The following REEP5 variants were observed in gnomAD, a reference collection of about 807,000 sequenced individuals.
REEP5 encodes the protein receptor accessory protein 5.
In REEP5, 24 loss-of-function variants were observed where a neutral mutation model predicts 22.4. The observed-to-expected ratio is 1.07, with a 90% confidence interval of 0.78 to 1.51. The LOEUF (loss-of-function observed/expected upper bound fraction) is 1.51, where lower values mean the gene tolerates loss of function less well. REEP5 is among the 40% of genes most tolerant of loss of function. The pLI is 0.00. For synonymous variants in REEP5, 103 were observed against 88.6 expected (o/e 1.16, Z -0.92); for missense variants, 252 against 233.0 (o/e 1.08, Z -0.53).
chr5:112,892,712 C>A (rs759009328), intron 3 of REEP5: 5 of 1,613,980 alleles, frequency 3.1e-6, no homozygotes, highest in Non-Finnish European at 3.4e-6. Flanking sequence ...TCAGATCAGA[C>A]TGGCTCCTCC....
chr5:112,892,501 G>T, intron 3 of REEP5: 1 of 1,614,176 alleles, frequency 6.2e-7, no homozygotes, highest in East Asian at 2.2e-5. Context: ...ATGCCAAGCA[G>T]CCCTTTCTCT....
Position 112,885,677 on chromosome 5 carries a change from A to G in REEP5, c.520+1338T>C. ...CCAGAGGTCTACTCAGAAGGACCCA[A>G]TTCCTAACCAGCCTCCCTTTCTCTG... On this transcript the variant is annotated intron_variant, in intron 4 of 4. Transcript: ENST00000379638. The G allele has an allele frequency of 9.7e-6, 3 of 308,294 alleles. No homozygotes were observed. The South Asian group carries it at 1.2e-4, about 13-fold the overall frequency. 19.1% of individuals were successfully genotyped at this position (308,294 alleles called of 1,614,324 possible).
rs1580739963 is a variant in REEP5, at chr5:112,893,115, A to G, written c.352-5932T>C. The stretch of plus-strand genomic sequence containing the variant: ...TTCTTAAAAAAAAAAAAAAAAAAAA[A>G]AAGAATGGACCAGGCCAGGTATAGT... On this transcript the variant is annotated intron_variant, in intron 3 of 4. Coordinates refer to ENST00000379638, the MANE Select transcript of REEP5 (RefSeq NM_005669.5). 1.3e-5 allele frequency: 12 copies of G among 903,242 alleles called. No homozygotes were observed. The South Asian group carries it at 1.4e-4, about 11-fold the overall frequency. The allele number at this position is 903,242 out of a possible 1,614,324, so 56.0% of individuals were successfully genotyped here.
At position 112,887,015 on chromosome 5, in the gene REEP5, C is replaced by T; in HGVS notation, c.520G>A (p.Ala174Thr). Residue 174 changes from alanine (A) to threonine (T), a missense_variant and splice_region_variant, in exon 4 of 5, where the codon GCG (alanine) becomes ACG (threonine). Physicochemically the swap from Ala to Thr is moderately conservative, Grantham distance 58. Transcript: ENST00000379638. ...KETADAITKE[A>T]KKATVNLLGE... Reference sequence around the variant, plus strand: ...GGGCCATCTTGTTCCTGAGTCTTACCTTCTTTAGTGATGGCATCTGCAGTC... The same window carrying T: ...GGGCCATCTTGTTCCTGAGTCTTACTTTCTTTAGTGATGGCATCTGCAGTC... 6.3e-7 allele frequency: 1 copy of T among 1,598,854 alleles called. No individual in the cohort carries two copies. Among genetic ancestry groups the T allele is most frequent in the Non-Finnish European group, 8.6e-7 (1 of 1,168,250 alleles).
chr5:112,913,998 A>G (rs1187003521), intron 2 of REEP5, among the ~76,000 whole-genome samples: 2 of 151,956 alleles, frequency 1.3e-5, no homozygotes, highest in African/African-American at 4.8e-5. Flanking sequence ...TACAAAAAAT[A>G]CAAAAAATTA....
intron 2 of REEP5, among the ~76,000 whole-genome samples, chr5:112,907,486 C>A (rs1286686726): frequency 6.6e-6 from 1 of 152,202 alleles, no homozygotes. Flanking sequence ...TTCCCCAAAG[C>A]AGATATCAAG....
At chr5:112,884,897 G>C (rs1054230279) in intron 4 of REEP5, among the ~76,000 whole-genome samples, 23 of 151,908 alleles carry the variant, frequency 1.5e-4, no homozygotes, top group African/African-American at 5.3e-4. Flanking sequence ...ATGAATTCAA[G>C]GAGTATGGTC....
chr5:112,903,247 C>T (rs893309659), intron 2 of REEP5, among the ~76,000 whole-genome samples: 5 of 152,188 alleles, frequency 3.3e-5, no homozygotes, highest in African/African-American at 1.2e-4. Context: ...CCTGAAGCTC[C>T]ACAATTTCTT....
chr5:112,884,678 C>G (rs1260536330), intron 4 of REEP5, among the ~76,000 whole-genome samples: 2 of 151,924 alleles, frequency 1.3e-5, no homozygotes, highest in South Asian at 2.1e-4. Flanking sequence ...AGTCACTGTT[C>G]CTGATTCCTT....
intron 4 of REEP5, among the ~76,000 whole-genome samples, chr5:112,883,495 C>T (rs1233496315): frequency 6.6e-6 from 1 of 152,178 alleles, no homozygotes; most frequent in Non-Finnish European, 1.5e-5. Flanking sequence ...CACTCCTTAT[C>T]AGTCTGCTTT....
Position 112,921,156 on chromosome 5 carries a change from C to T in REEP5, c.212+7G>A, listed in dbSNP as rs763286068. ...GGAAGGGGACGGCTGCAGGGTGTGT[C>T]ACTTACGAGATGTAGGCTGGGTAGC... is the stretch of plus-strand genomic sequence containing the variant. On this transcript the variant is annotated splice_region_variant and intron_variant, in intron 2 of 4. Coordinates refer to ENST00000379638, the MANE Select transcript of REEP5 (RefSeq NM_005669.5). 6 of 1,613,784 alleles carry T rather than the reference C, an allele frequency of 3.7e-6. No homozygotes were observed. In the Admixed American group the frequency reaches 6.7e-5, roughly 18 times the overall value.
At chr5:112,883,879 G>C (rs957409144) in intron 4 of REEP5, among the ~76,000 whole-genome samples, 4 of 151,896 alleles carry the variant, frequency 2.6e-5, no homozygotes, top group African/African-American at 9.7e-5. Flanking sequence ...TAAAAAGCTC[G>C]TCCTTGTCCT....
At chr5:112,917,193 A>C (rs1163266665) in intron 2 of REEP5, among the ~76,000 whole-genome samples, 1 of 152,246 alleles carries the variant, frequency 6.6e-6, no homozygotes, top group East Asian at 1.9e-4. Context: ...CTGAGATTAC[A>C]GATGTGGGCC....
At chr5:112,916,806 C>G (rs562693143) in intron 2 of REEP5, among the ~76,000 whole-genome samples, 22 of 152,290 alleles carry the variant, frequency 1.4e-4, no homozygotes, top group African/African-American at 5.1e-4. Context: ...AGACCTTGAT[C>G]AAGTTATTCA....
intron 2 of REEP5, among the ~76,000 whole-genome samples, chr5:112,913,336 AAAAG>A (rs1769150102): frequency 6.7e-6 from 1 of 149,806 alleles, no homozygotes; most frequent in African/African-American, 2.5e-5. Context: ...GACAGAAAGG[AAAAG>A]AAAGAAAAGA....
intron 2 of REEP5, among the ~76,000 whole-genome samples, chr5:112,919,482 G>T (rs530171417): frequency 6.6e-6 from 1 of 152,172 alleles, no homozygotes; most frequent in Non-Finnish European, 1.5e-5. Flanking sequence ...TGGCGGGGGT[G>T]GGGGCGGCCA....
chr5:112,891,512 A>C, intron 3 of REEP5: 2 of 1,353,654 alleles, frequency 1.5e-6, no homozygotes, highest in Non-Finnish European at 2.0e-6. Context: ...ATAAGTATGC[A>C]AACAAAACAA....
At chr5:112,879,275 A>C (rs1767991418) in intron 4 of REEP5, among the ~76,000 whole-genome samples, 1 of 136,870 alleles carries the variant, frequency 7.3e-6, no homozygotes, top group Non-Finnish European at 1.5e-5. Flanking sequence ...AAATCAGAGA[A>C]GTCCTCATTC....
At position 112,922,057 on chromosome 5, in the gene REEP5, A is replaced by AC; in HGVS notation, c.118+15dup. ...TCCCGTGGCCCTACCAGCGGCGGCG[A>AC]CCCCCGGCCACCCACCAAGAGCGAT... On this transcript the variant is annotated intron_variant, in intron 1 of 4. Coordinates refer to ENST00000379638, the MANE Select transcript of REEP5 (RefSeq NM_005669.5). 6.3e-7 allele frequency: 1 copy of AC among 1,579,842 alleles called. No homozygotes were observed. Among genetic ancestry groups the AC allele is most frequent in the Non-Finnish European group, 8.6e-7 (1 of 1,163,868 alleles).
Sources: allele counts gnomAD v4.1 joint callset (sites outside exome capture counted in the v4.1 genomes callset), GRCh38; gene constraint gnomAD v4.1.1; transcripts MANE v1.5; gene names NCBI Gene and HGNC (gene_info 2026-07-23, HGNC 2026-07-21).